LRP1B: variants seen among roughly 807,000 people sequenced by gnomAD.
LRP1B encodes LDL receptor related protein 1B.
LRP1B carries 217 observed loss-of-function variants against 556.6 expected under a neutral mutation model. The ratio of observed to expected loss-of-function variants is 0.39; its 90% CI spans 0.35 to 0.44. The LOEUF (loss-of-function observed/expected upper bound fraction) is 0.44. Ranked by LOEUF, LRP1B falls within the 20% of genes least tolerant of loss-of-function variation. The probability of loss-of-function intolerance (pLI) is 1.00; values close to 1 mark genes in which losing one functional copy is unlikely to be tolerated. For synonymous variants in LRP1B, 2,047 were observed against 1,865.8 expected (o/e 1.10, Z -2.50); for missense variants, 5,053 against 5,620.8 (o/e 0.90, Z 3.23).
chr2:141,820,744 C>A (rs1483607948), intron 1 of LRP1B, among the ~76,000 whole-genome samples: 1 of 152,196 alleles, frequency 6.6e-6, no homozygotes. Flanking sequence ...CTAGCTGGAG[C>A]TCATTCATCC....
At chr2:140,268,775 T>C (rs1366313001) in intron 86 of LRP1B, among the ~76,000 whole-genome samples, 1 of 151,734 alleles carries the variant, frequency 6.6e-6, no homozygotes, top group Admixed American at 6.6e-5. Flanking sequence ...GAAATAAAAT[T>C]TCTGGAAATT....
rs140176977 is a variant in LRP1B at position 140,763,571 on chromosome 2, A to G, written c.5758+5642T>C. 2.0e-5 allele frequency among the ~76,000 whole-genome samples: 3 copies of G among 152,246 alleles called. No individual in the cohort carries two copies. The East Asian group carries it at 5.8e-4, about 29-fold the overall frequency. On this transcript the variant is annotated intron_variant, in intron 35 of 90. Coordinates refer to ENST00000389484, the MANE Select transcript of LRP1B (RefSeq NM_018557.3). ...TATAGATCTCAAATAAGTTGACCAA[A>G]GTTTTAATCTTAGTAGGTGATCATT...
At chr2:140,712,136 C>T (rs755420069) in intron 37 of LRP1B, among the ~76,000 whole-genome samples, 5 of 152,170 alleles carry the variant, frequency 3.3e-5, no homozygotes, top group African/African-American at 7.2e-5. Flanking sequence ...AATCTCTTCT[C>T]CCACAAGTGC....
chr2:140,690,289 G>T (rs1423825630), intron 41 of LRP1B, among the ~76,000 whole-genome samples: 1 of 151,704 alleles, frequency 6.6e-6, no homozygotes, highest in Non-Finnish European at 1.5e-5. Context: ...CCTTTCCTTT[G>T]TCTAGTAAGG....
chr2:140,765,485 G>A (rs1689071599), intron 35 of LRP1B, among the ~76,000 whole-genome samples: 1 of 152,084 alleles, frequency 6.6e-6, no homozygotes, highest in African/African-American at 2.4e-5. Context: ...ATCTGTTAAA[G>A]CATCAAATGC....
intron 7 of LRP1B, among the ~76,000 whole-genome samples, chr2:141,068,557 CAAAA>C (rs564540035): frequency 4.2e-5 from 3 of 71,592 alleles, no homozygotes; most frequent in Admixed American, 1.5e-4. Flanking sequence ...ATGTGGTTGG[CAAAA>C]AAAAAAAAAA....
At chr2:140,548,147 G>A (rs999493500) in intron 43 of LRP1B, among the ~76,000 whole-genome samples, 1 of 152,000 alleles carries the variant, frequency 6.6e-6, no homozygotes, top group Non-Finnish European at 1.5e-5. Context: ...ATTTAGGTAG[G>A]CAAGTATTAT....
chr2:141,142,256 G>A (rs973364370), intron 7 of LRP1B, among the ~76,000 whole-genome samples: 5 of 152,168 alleles, frequency 3.3e-5, no homozygotes, highest in African/African-American at 1.2e-4. Flanking sequence ...CGTGTTGACA[G>A]CTGTTCTAGA....
chr2:141,716,972 G>C (rs141377414), intron 2 of LRP1B, among the ~76,000 whole-genome samples: 194 of 139,000 alleles, frequency 1.4e-3, no homozygotes, highest in Admixed American at 3.1e-3. Flanking sequence ...GATCCACAGG[G>C]GGGGGTCGCA....
Position 140,596,741 on chromosome 2 carries a change from A to G in LRP1B, c.7194+1890T>C, listed in dbSNP as rs148736891. 1.2e-3 allele frequency among the ~76,000 whole-genome samples: 186 copies of G among 152,300 alleles called. 2 individuals are homozygous for G. The highest frequency in any genetic ancestry group is 4.3e-3 in the African/African-American group (177 of 41,566). ...GCTGAAGTGAGATCACCAGGGGTAGAATCACCTTCCTGCTACGTATGTGGC... is the reference window on the plus strand; with the variant it reads ...GCTGAAGTGAGATCACCAGGGGTAGGATCACCTTCCTGCTACGTATGTGGC... On this transcript the variant is annotated intron_variant, in intron 43 of 90. Transcript: ENST00000389484.
At chr2:141,215,476 T>A (rs894974346) in intron 6 of LRP1B, among the ~76,000 whole-genome samples, 3 of 151,916 alleles carry the variant, frequency 2.0e-5, no homozygotes, top group Non-Finnish European at 4.4e-5. Flanking sequence ...CAGGAAGAGA[T>A]TGGAAGAGTT....
intron 2 of LRP1B, among the ~76,000 whole-genome samples, chr2:141,538,056 T>C (rs1453974528): frequency 6.6e-6 from 1 of 152,152 alleles, no homozygotes; most frequent in Non-Finnish European, 1.5e-5. Context: ...TTTGTTAAAT[T>C]TTAATGAGTT....
At chr2:142,041,751 A>G (rs1704073823) in intron 1 of LRP1B, among the ~76,000 whole-genome samples, 1 of 151,494 alleles carries the variant, frequency 6.6e-6, no homozygotes, top group Admixed American at 6.6e-5. Context: ...GAAGTAGGAG[A>G]GACACAACCT....
rs1198182749 is a variant in LRP1B, at chr2:141,810,331, C to T, written c.153G>A (p.Leu51=). The T allele has an allele frequency of 3.7e-6, 6 of 1,613,076 alleles. No homozygotes were observed. The highest frequency in any genetic ancestry group is 5.1e-6 in the Non-Finnish European group (6 of 1,179,490). ...CAGGGCAGTCAGGGTCCCCATCACACAGCCAGCTCTGGGAGACACAAGTCA... is the reference window on the plus strand; with the variant it reads ...CAGGGCAGTCAGGGTCCCCATCACATAGCCAGCTCTGGGAGACACAAGTCA... ...DHVTCVSQSW[L]CDGDPDCPDD... Residue 51 remains leucine, a synonymous_variant, in exon 2 of 91, where the codon CTG becomes CTA. Transcript: ENST00000389484.
chr2:141,580,618 C>T (rs1241397812), intron 2 of LRP1B, among the ~76,000 whole-genome samples: 3 of 152,202 alleles, frequency 2.0e-5, no homozygotes, highest in Admixed American at 6.5e-5. Flanking sequence ...TTTGAAAGAC[C>T]ATATAAAAAT....
chr2:141,039,764 T>C (rs957519301), intron 11 of LRP1B, among the ~76,000 whole-genome samples: 2 of 152,082 alleles, frequency 1.3e-5, no homozygotes, highest in Admixed American at 1.3e-4. Context: ...GCCAATTCCA[T>C]CTTTTCATCA....
At chr2:141,586,321 A>C (rs1489555727) in intron 2 of LRP1B, among the ~76,000 whole-genome samples, 1 of 152,128 alleles carries the variant, frequency 6.6e-6, no homozygotes, top group African/African-American at 2.4e-5. Context: ...CTCTAGTCTT[A>C]CTGAGATTTT....
rs552605751 is a variant in LRP1B, at chr2:141,349,780, T to C, written c.344-95139A>G. On this transcript the variant is annotated intron_variant, in intron 3 of 90. Coordinates refer to ENST00000389484, the MANE Select transcript of LRP1B (RefSeq NM_018557.3). Reference sequence around the variant, plus strand: ...GGCTGTGGAGGAAGGAGTTAAGATATGTACGTCCTTAAAACATGCTCTGAG... The same window carrying C: ...GGCTGTGGAGGAAGGAGTTAAGATACGTACGTCCTTAAAACATGCTCTGAG... 3.7e-4 allele frequency among the ~76,000 whole-genome samples: 57 copies of C among 152,228 alleles called. 1 individual carries two copies. Among genetic ancestry groups the C allele is most frequent in the African/African-American group, 1.4e-3 (57 of 41,512 alleles).
chr2:140,325,123 G>T (rs1680402963), intron 80 of LRP1B, among the ~76,000 whole-genome samples: 1 of 151,954 alleles, frequency 6.6e-6, no homozygotes, highest in African/African-American at 2.4e-5. Flanking sequence ...GAAACAGAAA[G>T]GGAAGAAATT....
Sources: gnomAD v4.1 joint callset for allele counts (sites outside exome capture counted in the v4.1 genomes callset) on GRCh38, gnomAD v4.1.1 for gene constraint, MANE v1.5 for transcripts, NCBI Gene and HGNC (gene_info 2026-07-23, HGNC 2026-07-21) for gene names.